The following PCDH9 variants were observed in gnomAD, a reference collection of about 807,000 sequenced individuals.
PCDH9 encodes protocadherin 9.
In PCDH9, 24 loss-of-function variants were observed where a neutral mutation model predicts 70.6. The ratio of observed to expected loss-of-function variants is 0.34; its 90% CI spans 0.25 to 0.48. The LOEUF (loss-of-function observed/expected upper bound fraction) is 0.48. PCDH9 is among the 20% of genes least tolerant of loss of function. PCDH9 has a pLI of 0.99. For missense variants in PCDH9, 1,281 were observed against 1,503.6 expected, an observed-to-expected ratio of 0.85 and a Z score of 2.45; for synonymous variants, 562 against 558.5, an observed-to-expected ratio of 1.01 and a Z score of -0.09.
At chr13:66,439,451 A>G (rs1407817459) in intron 4 of PCDH9, among the ~76,000 whole-genome samples, 1 of 152,216 alleles carries the variant, frequency 6.6e-6, no homozygotes, top group South Asian at 2.1e-4. Context: ...CTCCACAGAA[A>G]TAAAATAGGT....
chr13:67,148,451 GA>G (rs965537095), intron 2 of PCDH9, among the ~76,000 whole-genome samples: 27 of 142,974 alleles, frequency 1.9e-4, no homozygotes, highest in Middle Eastern at 7.2e-3. Context: ...TCACAGGAAA[GA>G]AAAAAAAAAG....
chr13:66,586,916 A>G (rs190028730), intron 4 of PCDH9, among the ~76,000 whole-genome samples: 1 of 152,282 alleles, frequency 6.6e-6, no homozygotes. Flanking sequence ...AAAAGTAAGT[A>G]GATTTTATTG....
At chr13:66,639,627 CAT>C (rs1300563747) in intron 3 of PCDH9, among the ~76,000 whole-genome samples, 1 of 152,076 alleles carries the variant, frequency 6.6e-6, no homozygotes, top group Non-Finnish European at 1.5e-5. Context: ...TTGAAACAAA[CAT>C]AAAACAAAAA....
intron 2 of PCDH9, among the ~76,000 whole-genome samples, chr13:67,121,297 G>T (rs1391038444): frequency 6.6e-6 from 1 of 152,172 alleles, no homozygotes; most frequent in Non-Finnish European, 1.5e-5. Context: ...GCTCGTAGAA[G>T]ATCCAACTAT....
chr13:66,558,436 C>T (rs1370519562), intron 4 of PCDH9, among the ~76,000 whole-genome samples: 2 of 151,926 alleles, frequency 1.3e-5, no homozygotes, highest in African/African-American at 2.4e-5. Context: ...TGGCTCCTGT[C>T]TATATTTTTC....
At chr13:66,591,888 T>C (rs987108078) in intron 4 of PCDH9, among the ~76,000 whole-genome samples, 6 of 151,670 alleles carry the variant, frequency 4.0e-5, no homozygotes, top group African/African-American at 1.5e-4. Flanking sequence ...AACATTACAT[T>C]ATAACATTAC....
At position 67,228,323 on chromosome 13, in the gene PCDH9, T is replaced by C. The variant is rs1352474615; in HGVS notation, c.118A>G (p.Ile40Val). ...IREELPENVP[I>V]GNIPKDLNIS... is the part of the protein sequence containing the mutation. Reference sequence around the variant, plus strand: ...TTCAGATCCTTTGGTATGTTTCCTATGGGCACATTTTCAGGCAATTCCTCT... The same window carrying C: ...TTCAGATCCTTTGGTATGTTTCCTACGGGCACATTTTCAGGCAATTCCTCT... The change falls in exon 2 of 5, where the codon ATA becomes GTA. Residue 40 changes from isoleucine (I) to valine (V), a missense_variant. By Grantham distance (29) the Ile-to-Val change is conservative. This residue lies in a region of PCDH9 where 798 missense variants were observed against 1,003.1 expected (regional missense o/e 0.80). Coordinates refer to ENST00000377865, the MANE Select transcript of PCDH9 (RefSeq NM_203487.3). 14 of 1,614,110 alleles carry C rather than the reference T, an allele frequency of 8.7e-6. No individual in the cohort carries two copies. The highest frequency in any genetic ancestry group is 6.7e-5 in the Admixed American group (4 of 59,998).
chr13:66,480,961 C>T (rs559488499), intron 4 of PCDH9, among the ~76,000 whole-genome samples: 2 of 152,220 alleles, frequency 1.3e-5, no homozygotes, highest in African/African-American at 4.8e-5. Flanking sequence ...ACATATACAC[C>T]ATGGAATACT....
At chr13:66,907,733 T>C (rs1377231835) in intron 2 of PCDH9, among the ~76,000 whole-genome samples, 1 of 152,172 alleles carries the variant, frequency 6.6e-6, no homozygotes, top group Non-Finnish European at 1.5e-5. Flanking sequence ...CTTTGCTAAA[T>C]AGGGGGTTCT....
At chr13:67,072,588 T>C (rs1051960948) in intron 2 of PCDH9, among the ~76,000 whole-genome samples, 1 of 152,146 alleles carries the variant, frequency 6.6e-6, no homozygotes. Flanking sequence ...AACCTTGTGA[T>C]GGGTGAGAAA....
intron 3 of PCDH9, among the ~76,000 whole-genome samples, chr13:66,714,295 C>G (rs1011290429): frequency 1.3e-5 from 2 of 151,850 alleles, no homozygotes; most frequent in African/African-American, 4.8e-5. Context: ...GAAACCCCAT[C>G]TCCACTAAAA....
intron 4 of PCDH9, among the ~76,000 whole-genome samples, chr13:66,611,636 T>A (rs1213118636): frequency 6.6e-6 from 1 of 152,180 alleles, no homozygotes; most frequent in Non-Finnish European, 1.5e-5. Flanking sequence ...GCTTGATGAT[T>A]CAAGATACAC....
chr13:66,412,109 A>G (rs1166349497), intron 4 of PCDH9, among the ~76,000 whole-genome samples: 2 of 152,154 alleles, frequency 1.3e-5, no homozygotes, highest in Non-Finnish European at 2.9e-5. Context: ...GCAGATATTA[A>G]TGTTTGGGAC....
chr13:66,557,571 C>T (rs563850744), intron 4 of PCDH9, among the ~76,000 whole-genome samples: 12 of 152,248 alleles, frequency 7.9e-5, no homozygotes, highest in East Asian at 3.9e-4. Context: ...GCTTTCTCTT[C>T]GCTGTAACAG....
At chr13:67,162,348 T>C (rs1392729646) in intron 2 of PCDH9, among the ~76,000 whole-genome samples, 3 of 152,222 alleles carry the variant, frequency 2.0e-5, no homozygotes, top group Non-Finnish European at 4.4e-5. Context: ...TCTCTGAAAG[T>C]GTATCTCTAG....
At chr13:66,877,383 G>A (rs1224808602) in intron 3 of PCDH9, among the ~76,000 whole-genome samples, 1 of 147,526 alleles carries the variant, frequency 6.8e-6, no homozygotes, top group Non-Finnish European at 1.5e-5. Context: ...AAGGTTTAGT[G>A]GTTTTTTTTT....
intron 3 of PCDH9, among the ~76,000 whole-genome samples, chr13:66,762,729 A>T (rs566063502): frequency 3.9e-5 from 6 of 152,032 alleles, no homozygotes; most frequent in Non-Finnish European, 7.4e-5. Context: ...ACTCGACTCA[A>T]TCCTAAACAG....
chr13:66,808,363 G>A (rs764455148), intron 3 of PCDH9, among the ~76,000 whole-genome samples: 5 of 151,574 alleles, frequency 3.3e-5, no homozygotes, highest in African/African-American at 1.2e-4. Context: ...AAAAATTATG[G>A]TCCATAAAAA....
intron 4 of PCDH9, among the ~76,000 whole-genome samples, chr13:66,612,381 C>T (rs569656354): frequency 4.6e-5 from 7 of 152,140 alleles, no homozygotes; most frequent in Non-Finnish European, 1.0e-4. Flanking sequence ...AGTCACCATT[C>T]CATGATAGAG....
Sources: gnomAD v4.1 joint callset for allele counts (sites outside exome capture counted in the v4.1 genomes callset) on GRCh38, gnomAD v4.1.1 for gene constraint, gnomAD v4.1.1 regional missense constraint, MANE v1.5 for transcripts, NCBI Gene and HGNC (gene_info 2026-07-23, HGNC 2026-07-21) for gene names.